Variants in RAB33A observed in about 807,000 individuals in gnomAD.
RAB33A encodes the protein ras-related protein Rab-33A.
Under a neutral mutation model 12.0 loss-of-function variants are expected in RAB33A, and 6 were observed. The ratio of observed to expected loss-of-function variants is 0.50; its 90% CI spans 0.27 to 0.99. The LOEUF is 0.99. Ranked by LOEUF, RAB33A falls within the 50% of genes least tolerant of loss-of-function variation. The pLI, the probability that RAB33A is intolerant of heterozygous loss-of-function variation, is 0.11. For synonymous variants in RAB33A, 70 were observed against 82.4 expected, an observed-to-expected ratio of 0.85 and a Z score of 0.81; for missense variants, 109 against 192.0, an observed-to-expected ratio of 0.57 and a Z score of 2.55.
chrX:130,137,148 G>C, the RAB33A span: 1 of 1,209,500 alleles, frequency 8.3e-7, no homozygotes, highest in Non-Finnish European at 1.1e-6. Context: ...TTCCTTTCTC[G>C]GGGAAGAGTT....
chrX:130,113,020 C>A, the RAB33A span, among the ~76,000 whole-genome samples: 4 of 105,938 alleles, frequency 3.8e-5, no homozygotes, highest in Non-Finnish European at 3.9e-5. Context: ...GGGTATCTGT[C>A]ACCTCAAGCA....
chrX:130,166,271 T>G, the RAB33A span, among the ~76,000 whole-genome samples: 1 of 111,626 alleles, frequency 9.0e-6, no homozygotes, highest in Non-Finnish European at 1.9e-5. Context: ...ACTTCCATCT[T>G]TTACCAGTTG....
At chrX:130,138,487 C>T in the RAB33A span, 10 of 608,607 alleles carry the variant, frequency 1.6e-5, no homozygotes, top group Non-Finnish European at 2.8e-5. Flanking sequence ...ATAAATAAAC[C>T]TTAATTAAAC....
At chrX:130,176,983 C>T (rs1476481147) in intron 1 of RAB33A, among the ~76,000 whole-genome samples, 6 of 112,508 alleles carry the variant, frequency 5.3e-5, no homozygotes, top group Non-Finnish European at 9.4e-5. Context: ...AGAAATCCCC[C>T]TGTCAGCTAA....
upstream of RAB33A, among the ~76,000 whole-genome samples, chrX:130,171,345 G>A (rs1331139414): frequency 8.9e-6 from 1 of 112,218 alleles, no homozygotes; most frequent in Non-Finnish European, 1.9e-5. Context: ...GGGTAGCGGG[G>A]ACCGGGAAGG....
the RAB33A span, among the ~76,000 whole-genome samples, chrX:130,140,038 T>C: frequency 3.6e-5 from 4 of 112,176 alleles, no homozygotes; most frequent in Non-Finnish European, 7.5e-5. Flanking sequence ...CACAGCAGGC[T>C]TTCTGTCAGT....
chrX:130,156,633 CAT>C, the RAB33A span: 10 of 1,199,126 alleles, frequency 8.3e-6, no homozygotes, highest in South Asian at 8.8e-5. Context: ...AAGACACACA[CAT>C]ACAAAAATAA....
chrX:130,179,177 C>T (rs1185384220), intron 1 of RAB33A, among the ~76,000 whole-genome samples: 1 of 111,125 alleles, frequency 9.0e-6, no homozygotes, highest in African/African-American at 3.3e-5. Flanking sequence ...AATTCGGAGC[C>T]TCCAAATAAA....
the RAB33A span, chrX:130,148,004 C>T: frequency 8.1e-5 from 69 of 851,391 alleles, no homozygotes; most frequent in Middle Eastern, 5.7e-4. Flanking sequence ...ATATGACCTA[C>T]GCTAATCTTA....
chrX:130,165,665 C>G, the RAB33A span: 1 of 1,180,148 alleles, frequency 8.5e-7, no homozygotes, highest in Admixed American at 2.3e-5. Flanking sequence ...ATTTCGGCGA[C>G]CGCTATTCGG....
the RAB33A span, among the ~76,000 whole-genome samples, chrX:130,146,154 T>C: frequency 8.9e-6 from 1 of 112,005 alleles, no homozygotes; most frequent in Non-Finnish European, 1.9e-5. Context: ...TATATTAATA[T>C]TGGCTGAGTG....
At chrX:130,137,817 CT>C in the RAB33A span, 15 of 857,784 alleles carry the variant, frequency 1.7e-5, no homozygotes, top group Non-Finnish European at 2.1e-5. Flanking sequence ...AATCCCAGCA[CT>C]TTGGGTGGCC....
chrX:130,145,447 A>T, the RAB33A span: 1 of 1,100,360 alleles, frequency 9.1e-7, no homozygotes, highest in East Asian at 3.0e-5. Flanking sequence ...AAGTACGTAG[A>T]GCCTGACAAA....
the RAB33A span, among the ~76,000 whole-genome samples, chrX:130,124,158 C>G: frequency 1.8e-5 from 2 of 111,632 alleles, no homozygotes; most frequent in Non-Finnish European, 3.8e-5. Context: ...ACTTATCATA[C>G]TCCCAGCAGT....
Position 130,175,216 on chromosome X carries a change from C to T in RAB33A, c.258+2896C>T, listed in dbSNP as rs755566498. On this transcript the variant is annotated intron_variant, in intron 1 of 1. Coordinates refer to ENST00000257017, the MANE Select transcript of RAB33A (RefSeq NM_004794.3). ...TCAGCCTTTGACTCTTGAGCCCAAG[C>T]ACTTCGCCACCTCACTATCCTACCT... Among the ~76,000 whole-genome samples, 4 of 111,229 alleles carry T rather than the reference C, an allele frequency of 3.6e-5. No individual in the cohort carries two copies. The South Asian group carries it at 1.5e-3, about 42-fold the overall frequency.
At chrX:130,111,187 G>T in the RAB33A span, among the ~76,000 whole-genome samples, 2 of 108,235 alleles carry the variant, frequency 1.8e-5, no homozygotes, top group Non-Finnish European at 3.9e-5. Flanking sequence ...CGCCCGCAGA[G>T]CCCGCGTCGT....
chrX:130,152,477 A>G, the RAB33A span, among the ~76,000 whole-genome samples: 2 of 112,578 alleles, frequency 1.8e-5, no homozygotes, highest in Non-Finnish European at 3.7e-5. Flanking sequence ...AAATTTATGA[A>G]AAATATTAGT....
At chrX:130,164,521 G>A in the RAB33A span, among the ~76,000 whole-genome samples, 1 of 112,398 alleles carries the variant, frequency 8.9e-6, no homozygotes, top group East Asian at 2.8e-4. Context: ...AAATGCCCTA[G>A]GGGTGGACAT....
chrX:130,143,258 C>T, the RAB33A span, among the ~76,000 whole-genome samples: 3 of 111,915 alleles, frequency 2.7e-5, no homozygotes, highest in South Asian at 7.5e-4. Flanking sequence ...GTCCCCTGGG[C>T]GTGGCAGTCA....
Sources: gnomAD v4.1 joint callset for allele counts (sites outside exome capture counted in the v4.1 genomes callset) on GRCh38, gnomAD v4.1.1 for gene constraint, MANE v1.5 for transcripts, NCBI Gene and HGNC (gene_info 2026-07-23, HGNC 2026-07-21) for gene names.